EFNB2: variants seen among roughly 807,000 people sequenced by gnomAD.
EFNB2 encodes the protein ephrin-B2.
Under a neutral mutation model 32.1 loss-of-function variants are expected in EFNB2, and 5 were observed. That is an observed-to-expected ratio of 0.16 (90% CI 0.08 to 0.33). The LOEUF (loss-of-function observed/expected upper bound fraction) is 0.33. Ranked by LOEUF, EFNB2 falls within the 10% of genes least tolerant of loss-of-function variation. The pLI, the probability that EFNB2 is intolerant of heterozygous loss-of-function variation, is 1.00. For synonymous variants in EFNB2, 168 were observed against 166.5 expected (o/e 1.01, Z -0.07); for missense variants, 263 against 422.6 (o/e 0.62, Z 3.31).
intron 1 of EFNB2, among the ~76,000 whole-genome samples, chr13:106,524,373 C>G (rs1879632179): frequency 6.6e-6 from 1 of 152,180 alleles, no homozygotes; most frequent in East Asian, 1.9e-4. Context: ...GGACCCTGGC[C>G]CCAGACTAGC....
chr13:106,522,040 T>C lies in EFNB2; in HGVS notation c.123-9228A>G, dbSNP rs567219051. ...ATATCAAAATAAAAATGCAGGTCTT[T>C]ATTTACCAAAAAAACAAAAAAAAAA... On this transcript the variant is annotated intron_variant, in intron 1 of 4. Transcript: ENST00000646441. Among the ~76,000 whole-genome samples, 25 of 151,308 alleles carry C rather than the reference T, an allele frequency of 1.7e-4. No individual in the cohort carries two copies. In the South Asian group the frequency reaches 5.0e-3, roughly 30 times the overall value.
chr13:106,521,004 T>C (rs1879498900), intron 1 of EFNB2: 1 of 152,000 alleles, frequency 6.6e-6, no homozygotes, highest in African/African-American at 2.4e-5. Flanking sequence ...AGAAATAAGG[T>C]AGTGATTGGA....
At chr13:106,533,104 A>C (rs1454953950) in intron 1 of EFNB2, among the ~76,000 whole-genome samples, 2 of 150,972 alleles carry the variant, frequency 1.3e-5, no homozygotes, top group Non-Finnish European at 3.0e-5. Flanking sequence ...CCTCATAAGA[A>C]AAAAAAAAAC....
chr13:106,529,015 A>T (rs1352175207), intron 1 of EFNB2, among the ~76,000 whole-genome samples: 1 of 152,202 alleles, frequency 6.6e-6, no homozygotes, highest in East Asian at 1.9e-4. Flanking sequence ...ACTCATTTGA[A>T]TTAAAACTAA....
At chr13:106,512,502 AAAAT>A in intron 2 of EFNB2, 23 bp downstream of exon 2, 1 of 1,417,740 alleles carries the variant, frequency 7.1e-7, no homozygotes, top group Non-Finnish European at 9.4e-7. Flanking sequence ...TAATTTCTAT[AAAAT>A]AAATGAATAA....
Position 106,492,966 on chromosome 13 carries a change from C to A in EFNB2, c.*74G>T. 6.6e-7 allele frequency: 1 copy of A among 1,518,454 alleles called. No homozygotes were observed. Among genetic ancestry groups the A allele is most frequent in the South Asian group, 1.3e-5 (1 of 79,852 alleles). 94.1% of individuals were successfully genotyped at this position (1,518,454 alleles called of 1,614,324 possible). On this transcript the variant is annotated 3_prime_UTR_variant, in exon 5 of 5. Coordinates refer to ENST00000646441, the MANE Select transcript of EFNB2 (RefSeq NM_004093.4). The surrounding 1 kb of genome is among the most constrained non-coding windows in gnomAD (Gnocchi z 5.1). ...TTCAGTCAATTCTCCAGCACGCGGG[C>A]TCTCAAACCCTCAAGGGAGGCATCG...
At chr13:106,530,474 C>T (rs1427115409) in intron 1 of EFNB2, among the ~76,000 whole-genome samples, 3 of 152,204 alleles carry the variant, frequency 2.0e-5, no homozygotes, top group African/African-American at 7.2e-5. Context: ...TTCTTTATGT[C>T]AGCAGCAAAG....
chr13:106,512,517 A>C lies in EFNB2; in HGVS notation c.406+12T>G. On this transcript the variant is annotated intron_variant, in intron 2 of 4. Coordinates refer to ENST00000646441, the MANE Select transcript of EFNB2 (RefSeq NM_004093.4). ...TAATTTCTATAAAATAAATGAATAAAATTATACTTACATATAATGTAATAA... is the reference window on the plus strand; with the variant it reads ...TAATTTCTATAAAATAAATGAATAACATTATACTTACATATAATGTAATAA... 6.7e-7 allele frequency: 1 copy of C among 1,502,906 alleles called. No homozygotes were observed. The highest frequency in any genetic ancestry group is 1.9e-5 in the Admixed American group (1 of 53,606). The allele number at this position is 1,502,906 out of a possible 1,614,324, so 93.1% of individuals were successfully genotyped here. A position where few individuals can be genotyped will look rare whatever the true frequency, so the allele number is the denominator to read the frequency against.
chr13:106,506,536 TGAAA>T (rs1417663763), intron 2 of EFNB2: 7 of 152,122 alleles, frequency 4.6e-5, no homozygotes, highest in Non-Finnish European at 7.4e-5. Flanking sequence ...TTTATAACAC[TGAAA>T]GAAGACAAAG....
chr13:106,534,529 G>A (rs964519770), intron 1 of EFNB2, among the ~76,000 whole-genome samples: 2 of 152,216 alleles, frequency 1.3e-5, no homozygotes, highest in African/African-American at 4.8e-5. Context: ...CTTCGTCCTC[G>A]AAAACAGGAG....
chr13:106,529,690 T>C (rs1879812090), intron 1 of EFNB2, among the ~76,000 whole-genome samples: 1 of 152,246 alleles, frequency 6.6e-6, no homozygotes, highest in Admixed American at 6.5e-5. Context: ...CTTCACCCTT[T>C]ATCTGCCTTT....
intron 1 of EFNB2, chr13:106,520,293 C>G (rs762749908): frequency 1.3e-5 from 2 of 152,280 alleles, no homozygotes; most frequent in South Asian, 4.2e-4. Flanking sequence ...GAAGAGAAGT[C>G]GAGTACAAAC....
At chr13:106,523,794 T>C (rs1879613660) in intron 1 of EFNB2, among the ~76,000 whole-genome samples, 1 of 151,834 alleles carries the variant, frequency 6.6e-6, no homozygotes, top group Non-Finnish European at 1.5e-5. Context: ...ATTTGAGTCT[T>C]CTCAGCTCTG....
intron 1 of EFNB2, among the ~76,000 whole-genome samples, chr13:106,527,237 G>C (rs1329391973): frequency 6.6e-6 from 1 of 151,758 alleles, no homozygotes; most frequent in Non-Finnish European, 1.5e-5. Context: ...GATTTAAATT[G>C]AGAAAATAAA....
In EFNB2 at chr13:106,535,636, C is replaced by G. The variant is rs1566466311; in HGVS notation, c.-672G>C. ...GCGCAGCTCCTCGCTCCGGCCGGCG[C>G]CGCGGTCCCCGCCGAGGAGAGTCAG... On this transcript the variant is annotated 5_prime_UTR_variant, in exon 1 of 5. Coordinates refer to ENST00000646441, the MANE Select transcript of EFNB2 (RefSeq NM_004093.4). The G allele has an allele frequency of 6.6e-6, 1 of 150,622 alleles. No homozygotes were observed. Among genetic ancestry groups the G allele is most frequent in the Non-Finnish European group, 1.5e-5 (1 of 67,512 alleles). 9.3% of individuals were successfully genotyped at this position (150,622 alleles called of 1,614,324 possible).
At chr13:106,512,484 G>A (rs1410091443) in intron 2 of EFNB2, 45 bp downstream of exon 2, 3 of 1,302,602 alleles carry the variant, frequency 2.3e-6, no homozygotes, top group East Asian at 5.2e-5. Context: ...AACCTATATA[G>A]CTTATCTTAA....
At chr13:106,534,298 C>A (rs1332652915) in intron 1 of EFNB2, among the ~76,000 whole-genome samples, 1 of 152,158 alleles carries the variant, frequency 6.6e-6, no homozygotes, top group Non-Finnish European at 1.5e-5. Context: ...GGGCTGGCGG[C>A]GCGGTGCCAA....
Position 106,492,916 on chromosome 13 carries a change from G to C in EFNB2, c.*124C>G, listed in dbSNP as rs1478925854. On this transcript the variant is annotated 3_prime_UTR_variant, in exon 5 of 5. Coordinates refer to ENST00000646441, the MANE Select transcript of EFNB2 (RefSeq NM_004093.4). This position sits in a 1 kb window ranked among gnomAD's most constrained non-coding sequence, Gnocchi z 5.1. Reference sequence around the variant, plus strand: ...GCGCGACGGGCTCTTCCGAGGAGGAGTGTCCCTCTCCCCCGGTGCTGTGCT... The same window carrying C: ...GCGCGACGGGCTCTTCCGAGGAGGACTGTCCCTCTCCCCCGGTGCTGTGCT... The C allele has an allele frequency of 2.5e-5, 33 of 1,314,120 alleles. No homozygotes were observed. Among genetic ancestry groups the C allele is most frequent in the Non-Finnish European group, 3.3e-5 (32 of 966,838 alleles). 81.4% of individuals were successfully genotyped at this position (1,314,120 alleles called of 1,614,324 possible). A position where few individuals can be genotyped will look rare whatever the true frequency, so the allele number is the denominator to read the frequency against.
At chr13:106,507,917 G>A (rs145744802) in intron 2 of EFNB2, among the ~76,000 whole-genome samples, 11 of 152,336 alleles carry the variant, frequency 7.2e-5, no homozygotes, top group South Asian at 2.1e-4. Context: ...ATTGGGAGGC[G>A]CTTCATTAAT....
Sources: allele counts gnomAD v4.1 joint callset (sites outside exome capture counted in the v4.1 genomes callset), GRCh38; gene constraint gnomAD v4.1.1; non-coding constraint Gnocchi (gnomAD v3.1); transcripts MANE v1.5; gene names NCBI Gene and HGNC (gene_info 2026-07-23, HGNC 2026-07-21).